Variants in PCDHA7 observed in about 807,000 individuals in gnomAD.
PCDHA7 encodes protocadherin alpha-7.
Under a neutral mutation model 57.2 loss-of-function variants are expected in PCDHA7, and 37 were observed. The ratio of observed to expected loss-of-function variants is 0.65; its 90% confidence interval spans 0.50 to 0.85. The LOEUF is 0.85. PCDHA7 is among the 40% of genes least tolerant of loss of function. PCDHA7 has a pLI of 0.00. For missense variants in PCDHA7, 1,188 were observed against 1,241.8 expected, an observed-to-expected ratio of 0.96 and a Z score of 0.65; for synonymous variants, 553 against 558.8, an observed-to-expected ratio of 0.99 and a Z score of 0.15.
intron 1 of PCDHA7, chr5:140,862,228 T>C (rs1247109904): frequency 9.6e-6 from 2 of 209,024 alleles, no homozygotes; most frequent in Non-Finnish European, 1.9e-5. Flanking sequence ...ATAGAAGTCT[T>C]GGACATCAAT....
intron 3 of PCDHA7, among the ~76,000 whole-genome samples, chr5:140,986,226 C>T (rs2097191326): frequency 6.6e-6 from 1 of 152,168 alleles, no homozygotes; most frequent in African/African-American, 2.4e-5. Context: ...TCTCTAGCCT[C>T]CCCTCTGTGT....
intron 1 of PCDHA7, among the ~76,000 whole-genome samples, chr5:140,888,250 G>A (rs2061753546): frequency 6.6e-6 from 1 of 152,128 alleles, no homozygotes; most frequent in African/African-American, 2.4e-5. Flanking sequence ...CTTTAAAGCA[G>A]TAGTTCTTGA....
At chr5:141,007,095 G>A (rs1405401392) in intron 3 of PCDHA7, among the ~76,000 whole-genome samples, 2 of 152,208 alleles carry the variant, frequency 1.3e-5, no homozygotes, top group East Asian at 1.9e-4. Context: ...AGAGAGTCTA[G>A]GGCCAAACCC....
intron 1 of PCDHA7, among the ~76,000 whole-genome samples, chr5:140,961,302 A>G (rs1383841228): frequency 6.6e-6 from 1 of 152,222 alleles, no homozygotes; most frequent in African/African-American, 2.4e-5. Context: ...GTTAAAGAAC[A>G]TGATTTACCA....
chr5:140,946,782 C>T (rs1225488337), intron 1 of PCDHA7, among the ~76,000 whole-genome samples: 1 of 151,104 alleles, frequency 6.6e-6, no homozygotes, highest in African/African-American at 2.4e-5. Flanking sequence ...TGTAAAAAAG[C>T]TGATCTTATA....
rs1488520906 is a variant in PCDHA7 at position 140,836,700 on chromosome 5, A to G, written c.2317A>G (p.Ser773Gly). Residue 773 changes from serine to glycine, a missense_variant, in exon 1 of 4, where the codon AGT becomes GGT. Ser to Gly is a moderately conservative substitution (Grantham distance 56). This residue lies in a region of PCDHA7 where 892 missense variants were observed against 788.5 expected (regional missense o/e 1.13). Coordinates refer to ENST00000525929, the MANE Select transcript of PCDHA7 (RefSeq NM_018910.3). ...ACCCAAGACAGACCTCATGGCCTTC[A>G]GTCCCAGCCTTCCTCAGGGTCCATC... ...GPPKTDLMAF[S>G]PSLPQGPSST... The G allele has an allele frequency of 6.2e-7, 1 of 1,613,320 alleles. No individual in the cohort carries two copies. The highest frequency in any genetic ancestry group is 1.3e-5 in the African/African-American group (1 of 74,826).
chr5:140,836,610 A>T lies in PCDHA7; in HGVS notation c.2227A>T (p.Ser743Cys). 6.2e-7 allele frequency: 1 copy of T among 1,613,696 alleles called. No individual in the cohort carries two copies. The highest frequency in any genetic ancestry group is 8.5e-7 in the Non-Finnish European group (1 of 1,179,796). Residue 743 changes from serine to cysteine, a missense_variant, in exon 1 of 4, where the codon AGC becomes TGC. Physicochemically the swap from Ser to Cys is moderately radical, Grantham distance 112. This residue lies in a region of PCDHA7 where 892 missense variants were observed against 788.5 expected (regional missense o/e 1.13). Coordinates refer to ENST00000525929, the MANE Select transcript of PCDHA7 (RefSeq NM_018910.3). ...SLVKPTLVCS[S>C]AVGSWSFSQQ... ...GGTAAAGCCCACTCTGGTGTGCTCC[A>T]GCGCGGTGGGGAGCTGGTCATTCTC... is the stretch of plus-strand genomic sequence containing the variant.
At chr5:140,941,211 C>CTT (rs59928198) in intron 1 of PCDHA7, among the ~76,000 whole-genome samples, 19 of 129,722 alleles carry the variant, frequency 1.5e-4, no homozygotes, top group African/African-American at 5.2e-4. Flanking sequence ...TCCTTTCTTT[C>CTT]TTCCTTTCTT....
intron 1 of PCDHA7, chr5:140,864,667 T>G (rs1234979234): frequency 2.6e-5 from 4 of 152,252 alleles, no homozygotes; most frequent in Non-Finnish European, 5.9e-5. Context: ...AATTACCTGT[T>G]GACTTAATTG....
At chr5:140,885,592 G>T (rs1428219345) in intron 1 of PCDHA7, among the ~76,000 whole-genome samples, 3 of 152,102 alleles carry the variant, frequency 2.0e-5, no homozygotes, top group Non-Finnish European at 2.9e-5. Flanking sequence ...ATGCATCAAA[G>T]ATATTAATAA....
chr5:140,985,929 CG>C (rs2097179106), intron 3 of PCDHA7, among the ~76,000 whole-genome samples: 1 of 151,796 alleles, frequency 6.6e-6, no homozygotes, highest in Non-Finnish European at 1.5e-5. Flanking sequence ...TTAGTAGAGC[CG>C]GGGTTTCACT....
rs2042053771 is a variant in PCDHA7, at chr5:140,851,409, G to T, written c.2355+14671G>T. The T allele has an allele frequency of 1.7e-5, 16 of 964,844 alleles. 3 individuals are homozygous for T. Among genetic ancestry groups the T allele is most frequent in the Non-Finnish European group, 1.6e-5 (13 of 797,918 alleles). The allele number at this position is 964,844 out of a possible 1,614,324, so 59.8% of individuals were successfully genotyped here. On this transcript the variant is annotated intron_variant, in intron 1 of 3. Transcript: ENST00000525929. ...CAGTATCTATTATTTTAATAAGAAA[G>T]AAACTTCCCCTAAACTTTAGAAAAC...
chr5:140,921,002 C>T (rs909094860), intron 1 of PCDHA7, among the ~76,000 whole-genome samples: 4 of 151,934 alleles, frequency 2.6e-5, no homozygotes, highest in Admixed American at 6.6e-5. Context: ...TTTTCAGAGT[C>T]AGGGTCTTGC....
At chr5:140,873,454 T>C (rs1251903132) in intron 1 of PCDHA7, among the ~76,000 whole-genome samples, 1 of 152,170 alleles carries the variant, frequency 6.6e-6, no homozygotes, top group African/African-American at 2.4e-5. Context: ...CAAATTTGCA[T>C]TTTAGATAAT....
Position 140,968,451 on chromosome 5 carries a change from C to T in PCDHA7, c.2356-10498C>T, listed in dbSNP as rs782416830. 9 of 1,614,130 alleles carry T rather than the reference C, an allele frequency of 5.6e-6. No homozygotes were observed. The South Asian group carries it at 9.9e-5, about 18-fold the overall frequency. ...AAGGGGAGCCCACCACTGAGCAGCACTGTGACTGCCAACGTATATGTGGTG... is the reference window on the plus strand; with the variant it reads ...AAGGGGAGCCCACCACTGAGCAGCATTGTGACTGCCAACGTATATGTGGTG... On this transcript the variant is annotated intron_variant, in intron 1 of 3. Transcript: ENST00000525929.
At chr5:140,844,736 G>C (rs1001272539) in intron 1 of PCDHA7, among the ~76,000 whole-genome samples, 3 of 149,298 alleles carry the variant, frequency 2.0e-5, no homozygotes, top group Non-Finnish European at 4.5e-5. Context: ...AAAATATTTA[G>C]TATTATGGGA....
chr5:140,899,584 G>A (rs2153464513), intron 1 of PCDHA7, among the ~76,000 whole-genome samples: 1 of 152,292 alleles, frequency 6.6e-6, no homozygotes, highest in African/African-American at 2.4e-5. Flanking sequence ...CGGTTTGCCA[G>A]TATTTTATTG....
chr5:140,990,783 G>A (rs932115900), intron 3 of PCDHA7, among the ~76,000 whole-genome samples: 5 of 152,170 alleles, frequency 3.3e-5, no homozygotes, highest in African/African-American at 7.2e-5. Flanking sequence ...TGTGTTGGAC[G>A]ATGAACCATG....
chr5:140,842,551 C>CACCAACTG, intron 1 of PCDHA7: 1 of 1,596,422 alleles, frequency 6.3e-7, no homozygotes, highest in Non-Finnish European at 8.6e-7. Flanking sequence ...TGGTGCTGGA[C>CACCAACTG]AGCGCCCTGG....
Sources: gnomAD v4.1 joint callset for allele counts (sites outside exome capture counted in the v4.1 genomes callset) on GRCh38, gnomAD v4.1.1 for gene constraint, gnomAD v4.1.1 regional missense constraint, MANE v1.5 for transcripts, NCBI Gene and HGNC (gene_info 2026-07-23, HGNC 2026-07-21) for gene names.